UPF1: variants seen among roughly 807,000 people sequenced by gnomAD.
UPF1 encodes the protein regulator of nonsense transcripts 1.
UPF1 carries 9 observed loss-of-function variants against 129.2 expected under a neutral mutation model. The ratio of observed to expected loss-of-function variants is 0.07; its 90% CI spans 0.04 to 0.12. The LOEUF is 0.12. Among genes scored for constraint, UPF1 ranks in the 10% least tolerant of loss-of-function variants. UPF1 has a pLI of 1.00. For missense variants in UPF1, 788 were observed against 1,525.3 expected, an observed-to-expected ratio of 0.52 and a Z score of 8.05; for synonymous variants, 649 against 644.9, an observed-to-expected ratio of 1.01 and a Z score of -0.10.
At chr19:18,856,745 G>A in intron 13 of UPF1, 132 bp from the exon 14 acceptor site, 2 of 1,304,088 alleles carry the variant, frequency 1.5e-6, no homozygotes, top group Non-Finnish European at 2.1e-6. Context: ...TTGTCTGGGA[G>A]GGACAGCTTG....
Position 18,852,308 on chromosome 19 carries a change from G to A in UPF1, c.972+12G>A, listed in dbSNP as rs369214605. 1.0e-4 allele frequency: 165 copies of A among 1,612,604 alleles called. 4 individuals are homozygous for A. The South Asian group carries it at 1.3e-3, about 13-fold the overall frequency. On this transcript the variant is annotated intron_variant, in intron 6 of 23. Coordinates refer to ENST00000262803, the MANE Select transcript of UPF1 (RefSeq NM_002911.4). ...TGAAGGAGTCCCAGGTGATGTGTGC[G>A]AGAGGGCTTGGCCTGGGGTGGGCTC...
Position 18,846,083 on chromosome 19 carries a change from C to G in UPF1, c.335C>G (p.Thr112Ser). The G allele has an allele frequency of 1.9e-6, 3 of 1,614,144 alleles. No individual in the cohort carries two copies. Among genetic ancestry groups the G allele is most frequent in the Admixed American group, 1.7e-5 (1 of 60,030 alleles). The change falls in exon 2 of 24, where the codon ACC becomes AGC. Residue 112 changes from threonine (T) to serine (S), a missense_variant. Coordinates refer to ENST00000262803, the MANE Select transcript of UPF1 (RefSeq NM_002911.4). ...AACTTCGAGGAAGATGAAGAAGACA[C>G]CTATTACACGAAGGACCTCCCCATA... ...ELNFEEDEED[T>S]YYTKDLPIHA... is the part of the protein sequence containing the mutation.
chr19:18,857,276 T>A (rs1443243758), intron 14 of UPF1, 44 bp from the exon 15 acceptor site: 1 of 1,581,076 alleles, frequency 6.3e-7, no homozygotes, highest in Non-Finnish European at 8.6e-7. Flanking sequence ...TGAGGCTGAT[T>A]CACACCTGAG....
chr19:18,852,902 C>G, intron 6 of UPF1, 85 bp from the exon 7 acceptor site: 1 of 1,150,302 alleles, frequency 8.7e-7, no homozygotes, highest in Non-Finnish European at 1.3e-6. Flanking sequence ...CTGTAGGGCC[C>G]GCCTCATGGG....
chr19:18,860,443 G>GC lies in UPF1; in HGVS notation c.2300+6dup. 6.2e-7 allele frequency: 1 copy of GC among 1,613,586 alleles called. No individual in the cohort carries two copies. Among genetic ancestry groups the GC allele is most frequent in the Non-Finnish European group, 8.5e-7 (1 of 1,179,654 alleles). Reference sequence around the variant, plus strand: ...GGGCACCTCCTACCTGAACAGGTGAGCAGGGACAGGCCCACCGGCGTCTGC... The same window carrying GC: ...GGGCACCTCCTACCTGAACAGGTGAGCCAGGGACAGGCCCACCGGCGTCTGC... On this transcript the variant is annotated splice_donor_region_variant and intron_variant, in intron 16 of 23. Transcript: ENST00000262803.
Position 18,862,022 on chromosome 19 carries a change from G to A in UPF1, c.2470G>A (p.Ala824Thr), listed in dbSNP as rs767124146. 1.2e-6 allele frequency: 2 copies of A among 1,610,140 alleles called. No individual in the cohort carries two copies. The highest frequency in any genetic ancestry group is 2.2e-5 in the South Asian group (2 of 90,756). The change falls in exon 18 of 24, where the codon GCC (alanine) becomes ACC (threonine). Residue 824 changes from alanine to threonine, a missense_variant. Ala to Thr is a moderately conservative substitution (Grantham distance 58). This residue lies in a region of UPF1 where 140 missense variants were observed against 385.9 expected (regional missense o/e 0.36). Coordinates refer to ENST00000262803, the MANE Select transcript of UPF1 (RefSeq NM_002911.4). Reference sequence around the variant, plus strand: ...AGCTCCCTTCCAGGAGGTGGAGATCGCCAGTGTGGACGCCTTTCAGGGACG... The same window carrying A: ...AGCTCCCTTCCAGGAGGTGGAGATCACCAGTGTGGACGCCTTTCAGGGACG... The part of the protein sequence containing the change: ...HTKLYQEVEI[A>T]SVDAFQGREK...
chr19:18,855,265 G>C (rs374695532), intron 11 of UPF1, 23 bp downstream of exon 11: 2 of 1,605,402 alleles, frequency 1.2e-6, no homozygotes, highest in South Asian at 2.2e-5. Context: ...CGGCCCTTGC[G>C]GGCAAGACCC....
Position 18,860,997 on chromosome 19 carries a change from C to G in UPF1, c.2457+15C>G. The G allele has an allele frequency of 6.4e-7, 1 of 1,561,582 alleles. No homozygotes were observed. Among genetic ancestry groups the G allele is most frequent in the Non-Finnish European group, 8.7e-7 (1 of 1,154,982 alleles). On this transcript the variant is annotated intron_variant, in intron 17 of 23. Transcript: ENST00000262803. ...AGCTCTACCAGGTGCGCTGCGCCCT[C>G]GGGCACACTTGGTCTCCTGGGCCAT...
At chr19:18,855,337 C>T (rs968603201) in intron 11 of UPF1, 95 bp downstream of exon 11, 3 of 1,372,234 alleles carry the variant, frequency 2.2e-6, no homozygotes, top group South Asian at 2.6e-5. Context: ...CTCTGTCACA[C>T]CGAAGAGAGC....
At chr19:18,849,909 C>T in intron 3 of UPF1, 166 bp from the exon 4 acceptor site, 1 of 759,002 alleles carries the variant, frequency 1.3e-6, no homozygotes, top group South Asian at 1.8e-5. Context: ...CAGTGGGGAG[C>T]TAGTTTGGGG....
At chr19:18,861,004 A>T (rs2055772959) in intron 17 of UPF1, 22 bp downstream of exon 17, 1 of 1,556,488 alleles carries the variant, frequency 6.4e-7, no homozygotes, top group African/African-American at 1.4e-5. Flanking sequence ...CCTCGGGCAC[A>T]CTTGGTCTCC....
In UPF1 at chr19:18,856,824, G is replaced by A. The variant is rs1033181378; in HGVS notation, c.1825-53G>A. 4 of 1,560,518 alleles carry A rather than the reference G, an allele frequency of 2.6e-6. No individual in the cohort carries two copies. In the African/African-American group the frequency reaches 4.1e-5, roughly 16 times the overall value. ...TGTTCTGTCCCACCTGCCCTCCGGG[G>A]TCTGGTGGCGTTTACAGTGCAGGTG... On this transcript the variant is annotated intron_variant, in intron 13 of 23. Transcript: ENST00000262803.
chr19:18,849,414 ACAGGG>A (rs1467273454), intron 3 of UPF1: 1 of 154,134 alleles, frequency 6.5e-6, no homozygotes. Flanking sequence ...CTGGCTTGGC[ACAGGG>A]CAGGGTTCAG....
chr19:18,850,814 G>T lies in UPF1; in HGVS notation c.756G>T (p.Leu252=). 6.2e-7 allele frequency: 1 copy of T among 1,609,990 alleles called. No homozygotes were observed. Among genetic ancestry groups the T allele is most frequent in the Non-Finnish European group, 8.5e-7 (1 of 1,178,438 alleles). The change falls in exon 5 of 24, where the codon CTG becomes CTT. Residue 252 remains leucine, a synonymous_variant. Coordinates refer to ENST00000262803, the MANE Select transcript of UPF1 (RefSeq NM_002911.4). This position sits in a 1 kb window ranked among gnomAD's most constrained non-coding sequence, Gnocchi z 7.1. The part of the protein sequence containing the change: ...LVKIPSEQEQ[L]RARQITAQQI... ...AGATCCCCTCCGAGCAGGAGCAGCT[G>T]CGGGCACGCCAGATCACGGCACAGC...
intron 15 of UPF1, among the ~76,000 whole-genome samples, chr19:18,858,538 C>T (rs929439903): frequency 1.3e-5 from 2 of 152,098 alleles, no homozygotes; most frequent in African/African-American, 4.8e-5. Flanking sequence ...AGAAACCCAC[C>T]TTTGTCCAGC....
intron 1 of UPF1, among the ~76,000 whole-genome samples, chr19:18,841,813 C>T (rs1004450649): frequency 6.6e-5 from 10 of 152,164 alleles, no homozygotes; most frequent in African/African-American, 1.9e-4. Flanking sequence ...GAACCTCACG[C>T]GGACTCTAGC....
intron 1 of UPF1, among the ~76,000 whole-genome samples, chr19:18,835,241 G>A (rs1195237552): frequency 6.6e-6 from 1 of 152,186 alleles, no homozygotes; most frequent in Non-Finnish European, 1.5e-5. Flanking sequence ...TGATGTGTGA[G>A]AAGTAGCTAC....
intron 18 of UPF1, 99 bp downstream of exon 18, chr19:18,862,251 A>G: frequency 6.6e-7 from 1 of 1,519,460 alleles, no homozygotes; most frequent in Non-Finnish European, 8.8e-7. Flanking sequence ...GCCAGAGGTC[A>G]GAGGACTCTG....
intron 11 of UPF1, chr19:18,855,690 A>T (rs1680913064): frequency 6.8e-6 from 4 of 589,280 alleles, no homozygotes; most frequent in Non-Finnish European, 1.2e-5. Flanking sequence ...CAAAAAAAAA[A>T]TTCAGAAATT....
Sources: allele counts gnomAD v4.1 joint callset (sites outside exome capture counted in the v4.1 genomes callset), GRCh38; gene constraint gnomAD v4.1.1; regional missense constraint gnomAD v4.1.1; non-coding constraint Gnocchi (gnomAD v3.1); transcripts MANE v1.5; gene names NCBI Gene and HGNC (gene_info 2026-07-23, HGNC 2026-07-21).